Variants in MDM1 observed in about 807,000 individuals in gnomAD.
The protein encoded by MDM1 is Mdm1 nuclear protein.
Under a neutral mutation model 89.1 loss-of-function variants are expected in MDM1, and 61 were observed. That is an observed-to-expected ratio of 0.68 (90% CI 0.56 to 0.85). MDM1 has a LOEUF of 0.85. MDM1 is among the 40% of genes least tolerant of loss of function. The pLI is 0.00. For missense variants in MDM1, 820 were observed against 846.5 expected, an observed-to-expected ratio of 0.97 and a Z score of 0.39; for synonymous variants, 290 against 294.1, an observed-to-expected ratio of 0.99 and a Z score of 0.14.
chr12:68,315,125 C>T lies in MDM1; in HGVS notation c.1352G>A (p.Arg451Gln), dbSNP rs142051216. ...VSAPTIPVRR[R>Q]LAWDTENTSE... ...TGTGTTCTCTGTATCCCAAGCCAGC[C>T]GCCTTCTAACGGGTATGGTGGGAGC... The change falls in exon 10 of 15, where the codon CGG becomes CAG. Residue 451 changes from arginine (R) to glutamine (Q), a missense_variant. Physicochemically the swap from Arg to Gln is conservative, Grantham distance 43. Coordinates refer to ENST00000682720, the MANE Select transcript of MDM1 (RefSeq NM_001354969.2). 45 of 1,614,002 alleles carry T rather than the reference C, an allele frequency of 2.8e-5. No homozygotes were observed. The highest frequency in any genetic ancestry group is 1.3e-4 in the African/African-American group (10 of 74,884).
At chr12:68,302,468 A>T (rs1428215903) in intron 13 of MDM1, 152 bp downstream of exon 13, 34 of 670,850 alleles carry the variant, frequency 5.1e-5, no homozygotes, top group Non-Finnish European at 6.4e-5. Context: ...GGTCCCAAGG[A>T]GGGAGTTTTC....
chr12:68,312,953 G>A (rs920003579), intron 12 of MDM1, among the ~76,000 whole-genome samples: 4 of 152,162 alleles, frequency 2.6e-5, no homozygotes, highest in South Asian at 4.2e-4. Flanking sequence ...CTCTCGCACC[G>A]AGGACTTCCC....
chr12:68,306,625 A>G (rs1276181486), intron 12 of MDM1, among the ~76,000 whole-genome samples: 1 of 152,208 alleles, frequency 6.6e-6, no homozygotes, highest in Non-Finnish European at 1.5e-5. Flanking sequence ...ACAAACATGA[A>G]AGAATGCTCA....
chr12:68,300,619 C>T lies in MDM1; in HGVS notation c.2002+2001G>A, dbSNP rs191202568. On this transcript the variant is annotated intron_variant, in intron 13 of 14. Transcript: ENST00000682720. Reference sequence around the variant, plus strand: ...CAACAAGAAGGTATTACAGTCAGTCCTACATTTATATGCACCTAACACTGG... The same window carrying T: ...CAACAAGAAGGTATTACAGTCAGTCTTACATTTATATGCACCTAACACTGG... 1.8e-4 allele frequency among the ~76,000 whole-genome samples: 28 copies of T among 152,214 alleles called. 1 individual carries two copies. The East Asian group carries it at 5.2e-3, about 28-fold the overall frequency.
chr12:68,315,641 T>C (rs182366724), intron 9 of MDM1, among the ~76,000 whole-genome samples: 3 of 152,320 alleles, frequency 2.0e-5, no homozygotes, highest in East Asian at 3.9e-4. Flanking sequence ...ATCATGTTCA[T>C]TTTAACCCAG....
At position 68,323,060 on chromosome 12, in the gene MDM1, A is replaced by G. The variant is rs1875445457; in HGVS notation, c.801+13T>C. ...GGGGATTTTGTTTTGTAAGGTTAAAAGTTGATGAATACCTTCCTTTCAGGA... is the reference window on the plus strand; with the variant it reads ...GGGGATTTTGTTTTGTAAGGTTAAAGGTTGATGAATACCTTCCTTTCAGGA... On this transcript the variant is annotated intron_variant, in intron 5 of 14. Coordinates refer to ENST00000682720, the MANE Select transcript of MDM1 (RefSeq NM_001354969.2). The G allele has an allele frequency of 9.4e-6, 15 of 1,590,642 alleles. No individual in the cohort carries two copies. Among genetic ancestry groups the G allele is most frequent in the Non-Finnish European group, 1.2e-5 (14 of 1,172,780 alleles).
chr12:68,315,280 C>T lies in MDM1; in HGVS notation c.1212-15G>A, dbSNP rs1483265646. ...TTGTAGGATCTCTGCGTAACAAAAT[C>T]AATTTTATTTTAAATGTGAATAGTT... On this transcript the variant is annotated splice_polypyrimidine_tract_variant and intron_variant, in intron 9 of 14. Coordinates refer to ENST00000682720, the MANE Select transcript of MDM1 (RefSeq NM_001354969.2). 1.1e-5 allele frequency: 18 copies of T among 1,592,738 alleles called. No individual in the cohort carries two copies. The highest frequency in any genetic ancestry group is 1.4e-5 in the Non-Finnish European group (16 of 1,169,642).
intron 3 of MDM1, 57 bp from the exon 4 acceptor site, chr12:68,325,632 A>T (rs1216828220): frequency 4.2e-6 from 6 of 1,432,324 alleles, no homozygotes; most frequent in Non-Finnish European, 5.5e-6. Flanking sequence ...CAAACTTTTT[A>T]AAAATTGTGG....
intron 10 of MDM1, among the ~76,000 whole-genome samples, chr12:68,314,135 TC>T (rs1874124324): frequency 1.6e-5 from 1 of 64,482 alleles, no homozygotes; most frequent in African/African-American, 4.4e-5. Flanking sequence ...AAACTCCGTC[TC>T]AAAAAAAAAA....
At chr12:68,321,732 T>C in intron 5 of MDM1, 104 bp from the exon 6 acceptor site, 1 of 685,218 alleles carries the variant, frequency 1.5e-6, no homozygotes, top group Non-Finnish European at 2.3e-6. Flanking sequence ...GACATTTCTA[T>C]TTTTAGAAGC....
chr12:68,329,966 G>C (rs557475916), intron 2 of MDM1, among the ~76,000 whole-genome samples: 1 of 152,252 alleles, frequency 6.6e-6, no homozygotes, highest in South Asian at 2.1e-4. Flanking sequence ...CTGGGGCAGC[G>C]ACCTCATCTC....
At chr12:68,311,005 T>G (rs1054734100) in intron 12 of MDM1, among the ~76,000 whole-genome samples, 1 of 152,176 alleles carries the variant, frequency 6.6e-6, no homozygotes, top group African/African-American at 2.4e-5. Context: ...ACAAGTCTTT[T>G]ATTTTACCTA....
chr12:68,310,808 C>T (rs1325046438), intron 12 of MDM1, among the ~76,000 whole-genome samples: 2 of 152,202 alleles, frequency 1.3e-5, no homozygotes, highest in African/African-American at 4.8e-5. Flanking sequence ...CACAAACAGC[C>T]ATCAGCAAAA....
At chr12:68,296,595 T>C (rs1467521996) in intron 14 of MDM1, among the ~76,000 whole-genome samples, 2 of 152,222 alleles carry the variant, frequency 1.3e-5, no homozygotes, top group Non-Finnish European at 2.9e-5. Context: ...TATATAGGCA[T>C]TTTTTTAAAA....
chr12:68,332,281 T>A lies in MDM1; in HGVS notation c.-36A>T, dbSNP rs373056509. On this transcript the variant is annotated 5_prime_UTR_variant, in exon 1 of 15. Coordinates refer to ENST00000682720, the MANE Select transcript of MDM1 (RefSeq NM_001354969.2). ...GCCGGAGCCCCCGCTACTCCGACAG[T>A]TAACTGGAGAAAAAGCTCCGAGGGG... The A allele has an allele frequency of 3.2e-6, 5 of 1,576,628 alleles. No homozygotes were observed. The highest frequency in any genetic ancestry group is 4.3e-6 in the Non-Finnish European group (5 of 1,162,032).
chr12:68,327,057 A>G (rs1876108968), intron 2 of MDM1, 36 bp from the exon 3 acceptor site: 5 of 1,531,996 alleles, frequency 3.3e-6, no homozygotes, highest in Non-Finnish European at 4.3e-6. Context: ...GTAGCTACTA[A>G]AGCAAAAAGT....
chr12:68,300,477 T>G (rs911745045), intron 13 of MDM1, among the ~76,000 whole-genome samples: 4 of 152,088 alleles, frequency 2.6e-5, no homozygotes, highest in African/African-American at 9.7e-5. Flanking sequence ...GAAAAGATAT[T>G]CCATGCAAAT....
intron 13 of MDM1, among the ~76,000 whole-genome samples, chr12:68,300,342 T>C (rs1180004088): frequency 1.3e-5 from 2 of 152,138 alleles, no homozygotes; most frequent in Admixed American, 1.3e-4. Flanking sequence ...CGTCTCAATA[T>C]TAACATTGAA....
chr12:68,307,842 G>A (rs1031038613), intron 12 of MDM1, among the ~76,000 whole-genome samples: 3 of 151,160 alleles, frequency 2.0e-5, no homozygotes, highest in East Asian at 2.0e-4. Context: ...GGAGGCTGAG[G>A]CATGAGAACT....
Sources: gnomAD v4.1 joint callset for allele counts (sites outside exome capture counted in the v4.1 genomes callset) on GRCh38, gnomAD v4.1.1 for gene constraint, MANE v1.5 for transcripts, NCBI Gene and HGNC (gene_info 2026-07-23, HGNC 2026-07-21) for gene names.